Variants in NEGR1 observed in about 807,000 individuals in gnomAD.
The protein encoded by NEGR1 is neuronal growth regulator 1.
In NEGR1, 10 loss-of-function variants were observed where a neutral mutation model predicts 40.9. The ratio of observed to expected loss-of-function variants is 0.24; its 90% CI spans 0.15 to 0.42. The LOEUF (loss-of-function observed/expected upper bound fraction) is 0.42, where lower values mean the gene tolerates loss of function less well. NEGR1 is among the 10% of genes least tolerant of loss of function. The probability of loss-of-function intolerance (pLI) is 1.00; values close to 1 mark genes in which losing one functional copy is unlikely to be tolerated. For synonymous variants in NEGR1, 185 were observed against 166.8 expected (o/e 1.11, Z -0.84); for missense variants, 352 against 438.9 (o/e 0.80, Z 1.77).
At chr1:71,630,574 T>G (rs914194057) in intron 4 of NEGR1, among the ~76,000 whole-genome samples, 1 of 151,874 alleles carries the variant, frequency 6.6e-6, no homozygotes, top group East Asian at 1.9e-4. Flanking sequence ...GGTTTTATGT[T>G]CTTCTTCCTG....
rs1343340484 is a variant in NEGR1 at position 71,404,320 on chromosome 1, T to C, written c.*3126A>G. On this transcript the variant is annotated 3_prime_UTR_variant, in exon 7 of 7. Transcript: ENST00000357731. Reference sequence around the variant, plus strand: ...GTTTGAAATTCTCCCTCTCAAATCTTTTAGTGTCTCAAAAACACCCACATT... The same window carrying C: ...GTTTGAAATTCTCCCTCTCAAATCTCTTAGTGTCTCAAAAACACCCACATT... The C allele has an allele frequency of 1.3e-5, 2 of 152,062 alleles. No individual in the cohort carries two copies. Among genetic ancestry groups the C allele is most frequent in the African/African-American group, 4.8e-5 (2 of 41,410 alleles). The allele number at this position is 152,062 out of a possible 1,614,324, so 9.4% of individuals were successfully genotyped here. A position where few individuals can be genotyped will look rare whatever the true frequency, so the allele number is the denominator to read the frequency against.
intron 3 of NEGR1, among the ~76,000 whole-genome samples, chr1:71,708,543 A>T (rs1653977950): frequency 6.6e-6 from 1 of 152,202 alleles, no homozygotes; most frequent in East Asian, 1.9e-4. Context: ...GAATAGCCAA[A>T]GTTAGCCTAA....
chr1:71,490,356 T>C (rs989152016), intron 6 of NEGR1, among the ~76,000 whole-genome samples: 3 of 151,990 alleles, frequency 2.0e-5, no homozygotes, highest in Non-Finnish European at 2.9e-5. Context: ...GACAACATGC[T>C]ACAGTGTGCA....
rs371554155 is a variant in NEGR1 at position 71,776,314 on chromosome 1, C to T, written c.410-17G>A. Reference sequence around the variant, plus strand: ...TAGGAGGAACTGAAATGACAAAATACGCAGTGATTAGAAAAAAATATATAA... The same window carrying T: ...TAGGAGGAACTGAAATGACAAAATATGCAGTGATTAGAAAAAAATATATAA... On this transcript the variant is annotated splice_polypyrimidine_tract_variant and intron_variant, in intron 2 of 6. Transcript: ENST00000357731. The T allele has an allele frequency of 2.6e-5, 39 of 1,503,380 alleles. No individual in the cohort carries two copies. The highest frequency in any genetic ancestry group is 1.8e-4 in the Admixed American group (9 of 50,486). The allele number at this position is 1,503,380 out of a possible 1,614,324, so 93.1% of individuals were successfully genotyped here.
intron 1 of NEGR1, among the ~76,000 whole-genome samples, chr1:72,228,698 A>G (rs1456133958): frequency 1.3e-5 from 2 of 152,134 alleles, no homozygotes; most frequent in African/African-American, 2.4e-5. Flanking sequence ...ATACATCTAT[A>G]GACCAAAAGA....
At chr1:71,506,334 G>A (rs929121634) in intron 6 of NEGR1, among the ~76,000 whole-genome samples, 19 of 152,176 alleles carry the variant, frequency 1.2e-4, no homozygotes, top group East Asian at 7.8e-4. Flanking sequence ...CCCTTGGGGC[G>A]CTCACTCAAA....
chr1:71,694,943 C>A (rs894979329), intron 4 of NEGR1, among the ~76,000 whole-genome samples: 1 of 151,738 alleles, frequency 6.6e-6, no homozygotes, highest in East Asian at 1.9e-4. Flanking sequence ...TTTAGGGAAT[C>A]TTCAGGTTAT....
intron 3 of NEGR1, among the ~76,000 whole-genome samples, chr1:71,751,462 A>G (rs1003839975): frequency 6.6e-6 from 1 of 152,186 alleles, no homozygotes; most frequent in African/African-American, 2.4e-5. Flanking sequence ...CTGAAAACCA[A>G]TACTATTAAA....
chr1:72,188,250 C>G lies in NEGR1; in HGVS notation c.176+94069G>C, dbSNP rs554810874. On this transcript the variant is annotated intron_variant, in intron 1 of 6. Transcript: ENST00000357731. ...AACCTTTCAAAAGGCTCAGTTTTAT[C>G]AGTAAATTATAAACTTGTAGAGATC... 2.6e-5 allele frequency among the ~76,000 whole-genome samples: 4 copies of G among 151,458 alleles called. No homozygotes were observed. The South Asian group carries it at 8.3e-4, about 31-fold the overall frequency.
chr1:72,263,033 T>C (rs1655509290), intron 1 of NEGR1, among the ~76,000 whole-genome samples: 1 of 151,784 alleles, frequency 6.6e-6, no homozygotes, highest in African/African-American at 2.4e-5. Flanking sequence ...CAGTTTCTTG[T>C]TCTTCAAAGA....
intron 1 of NEGR1, among the ~76,000 whole-genome samples, chr1:72,258,551 G>C (rs1655352590): frequency 1.3e-5 from 2 of 152,090 alleles, no homozygotes; most frequent in South Asian, 4.1e-4. Flanking sequence ...ACATAAATAA[G>C]CTATTGACAT....
chr1:71,496,762 G>T (rs1569947857), intron 6 of NEGR1, among the ~76,000 whole-genome samples: 1 of 152,100 alleles, frequency 6.6e-6, no homozygotes, highest in African/African-American at 2.4e-5. Flanking sequence ...GCTGGGGGAT[G>T]TGCAATAGAT....
intron 1 of NEGR1, among the ~76,000 whole-genome samples, chr1:72,044,233 T>G (rs1487108828): frequency 6.6e-6 from 1 of 151,410 alleles, no homozygotes; most frequent in Non-Finnish European, 1.5e-5. Context: ...GTAAGTAATT[T>G]GATAAAGTTG....
At chr1:72,062,610 G>T (rs1569898713) in intron 1 of NEGR1, among the ~76,000 whole-genome samples, 1 of 151,912 alleles carries the variant, frequency 6.6e-6, no homozygotes, top group Non-Finnish European at 1.5e-5. Flanking sequence ...CCAAAATGAT[G>T]AATTCCCAAA....
chr1:71,761,701 A>G (rs1168147121), intron 3 of NEGR1, among the ~76,000 whole-genome samples: 2 of 152,124 alleles, frequency 1.3e-5, no homozygotes, highest in Non-Finnish European at 2.9e-5. Flanking sequence ...CAGTATTCTA[A>G]CTTAACCAAA....
intron 1 of NEGR1, among the ~76,000 whole-genome samples, chr1:72,241,140 C>G (rs1297955910): frequency 6.6e-6 from 1 of 151,516 alleles, no homozygotes; most frequent in Non-Finnish European, 1.5e-5. Context: ...TGTCATTTTT[C>G]AATGGTATTT....
At chr1:72,281,651 T>C (rs531396308) in intron 1 of NEGR1, among the ~76,000 whole-genome samples, 1 of 150,894 alleles carries the variant, frequency 6.6e-6, no homozygotes, top group Non-Finnish European at 1.5e-5. Context: ...GGATTAAATG[T>C]GAGGAACAGA....
chr1:71,451,067 A>T (rs1026636098), intron 6 of NEGR1, among the ~76,000 whole-genome samples: 1 of 152,142 alleles, frequency 6.6e-6, no homozygotes, highest in Non-Finnish European at 1.5e-5. Flanking sequence ...CAGACTAGTA[A>T]TCACTTTTCA....
intron 5 of NEGR1, among the ~76,000 whole-genome samples, chr1:71,608,669 T>C (rs1047660479): frequency 1.8e-4 from 27 of 152,264 alleles, no homozygotes; most frequent in African/African-American, 2.6e-4. Context: ...AAAGTGACTT[T>C]GAAAGGTATG....
Sources: gnomAD v4.1 joint callset for allele counts (sites outside exome capture counted in the v4.1 genomes callset) on GRCh38, gnomAD v4.1.1 for gene constraint, MANE v1.5 for transcripts, NCBI Gene and HGNC (gene_info 2026-07-23, HGNC 2026-07-21) for gene names.